LMX1B: variants seen among roughly 807,000 people sequenced by gnomAD.
LMX1B encodes the protein LIM homeobox transcription factor 1 beta.
A neutral mutation model predicts 51.4 loss-of-function variants in LMX1B; 12 were observed. The observed-to-expected ratio is 0.23, with a 90% CI of 0.15 to 0.38. The LOEUF is 0.38. Ranked by LOEUF, LMX1B falls within the 10% of genes least tolerant of loss-of-function variation. The pLI, the probability that LMX1B is intolerant of heterozygous loss-of-function variation, is 1.00. For synonymous variants in LMX1B, 237 were observed against 235.4 expected (o/e 1.01, Z -0.06); for missense variants, 445 against 571.1 (o/e 0.78, Z 2.25).
At chr9:126,630,294 G>T (rs1835610220) in intron 2 of LMX1B, among the ~76,000 whole-genome samples, 1 of 152,062 alleles carries the variant, frequency 6.6e-6, no homozygotes, top group Non-Finnish European at 1.5e-5. Context: ...GTCAGCATCT[G>T]CGGGTGCCAC....
chr9:126,682,235 G>T (rs939240104), intron 2 of LMX1B, among the ~76,000 whole-genome samples: 2 of 151,442 alleles, frequency 1.3e-5, no homozygotes, highest in Non-Finnish European at 2.9e-5. Flanking sequence ...GCCTCCCCAG[G>T]GCCTTTGCAC....
intron 2 of LMX1B, among the ~76,000 whole-genome samples, chr9:126,636,458 G>C (rs1435904907): frequency 6.6e-6 from 1 of 152,158 alleles, no homozygotes. Flanking sequence ...GTCTGTGCTA[G>C]AGAGTCTGGC....
intron 2 of LMX1B, among the ~76,000 whole-genome samples, chr9:126,652,649 C>T (rs925416215): frequency 6.6e-6 from 1 of 152,170 alleles, no homozygotes; most frequent in Non-Finnish European, 1.5e-5. Context: ...CATCTGCCCT[C>T]GGCACAGGAG....
intron 2 of LMX1B, among the ~76,000 whole-genome samples, chr9:126,672,517 A>T (rs1836476496): frequency 6.6e-6 from 1 of 152,044 alleles, no homozygotes; most frequent in South Asian, 2.1e-4. Flanking sequence ...CCGAGTCTGG[A>T]ATGCTTTACG....
At chr9:126,623,757 C>G (rs553595815) in intron 2 of LMX1B, among the ~76,000 whole-genome samples, 2 of 148,798 alleles carry the variant, frequency 1.3e-5, no homozygotes, top group South Asian at 4.2e-4. Context: ...CACTGACCTC[C>G]TCTGCGCGGA....
intron 2 of LMX1B, among the ~76,000 whole-genome samples, chr9:126,637,094 A>G (rs967337622): frequency 1.3e-5 from 2 of 152,238 alleles, no homozygotes; most frequent in Non-Finnish European, 2.9e-5. Flanking sequence ...TGCCAGTGCT[A>G]TCAGTCAGGG....
chr9:126,676,080 G>T (rs1470078553), intron 2 of LMX1B, among the ~76,000 whole-genome samples: 7 of 151,808 alleles, frequency 4.6e-5, no homozygotes, highest in African/African-American at 1.7e-4. Flanking sequence ...TCAGTAGACA[G>T]TGTGTAAGAC....
At position 126,672,997 on chromosome 9, in the gene LMX1B, C is replaced by T. The variant is rs79194139; in HGVS notation, c.327-17839C>T. On this transcript the variant is annotated intron_variant, in intron 2 of 7. Coordinates refer to ENST00000373474, the MANE Select transcript of LMX1B (RefSeq NM_001174147.2). ...CCCACCTGTGGACTCCTCGCCCACA[C>T]AAAGCAAGAGGCTCTTTTCGGCTTT... 5.9e-3 allele frequency among the ~76,000 whole-genome samples: 904 copies of T among 152,378 alleles called. 13 individuals carry two copies. Among genetic ancestry groups the T allele is most frequent in the African/African-American group, 0.02 (820 of 41,582 alleles).
intron 2 of LMX1B, among the ~76,000 whole-genome samples, chr9:126,645,686 G>A (rs892510852): frequency 6.6e-5 from 10 of 152,206 alleles, no homozygotes. Context: ...GAGCACACAA[G>A]GAGGGAGGTC....
At chr9:126,679,775 T>C (rs1836639122) in intron 2 of LMX1B, among the ~76,000 whole-genome samples, 1 of 152,204 alleles carries the variant, frequency 6.6e-6, no homozygotes, top group Admixed American at 6.5e-5. Context: ...TTGTGGTTTT[T>C]CAACTTCTCC....
At chr9:126,621,705 A>G (rs1304851688) in intron 2 of LMX1B, among the ~76,000 whole-genome samples, 3 of 130,574 alleles carry the variant, frequency 2.3e-5, no homozygotes, top group African/African-American at 9.6e-5. Context: ...ATTTGTTGAT[A>G]ATAGACTTTA....
chr9:126,636,458 G>A (rs1435904907), intron 2 of LMX1B, among the ~76,000 whole-genome samples: 1 of 152,158 alleles, frequency 6.6e-6, no homozygotes, highest in African/African-American at 2.4e-5. Flanking sequence ...GTCTGTGCTA[G>A]AGAGTCTGGC....
At chr9:126,661,354 A>G (rs1422283623) in intron 2 of LMX1B, among the ~76,000 whole-genome samples, 1 of 151,844 alleles carries the variant, frequency 6.6e-6, no homozygotes, top group Non-Finnish European at 1.5e-5. Context: ...CTCTCCAGGA[A>G]CTCTGTCTGT....
chr9:126,631,519 G>T (rs936138918), intron 2 of LMX1B, among the ~76,000 whole-genome samples: 1 of 151,982 alleles, frequency 6.6e-6, no homozygotes, highest in Non-Finnish European at 1.5e-5. Flanking sequence ...GGCCGGCCGG[G>T]ATGGGGCAGG....
intron 2 of LMX1B, among the ~76,000 whole-genome samples, chr9:126,628,624 C>T (rs1835576415): frequency 1.3e-5 from 2 of 152,174 alleles, no homozygotes; most frequent in South Asian, 4.1e-4. Flanking sequence ...AAATTAATTA[C>T]CCCGCCTTGA....
intron 2 of LMX1B, among the ~76,000 whole-genome samples, chr9:126,672,855 C>T (rs1588294373): frequency 6.6e-6 from 1 of 152,302 alleles, no homozygotes; most frequent in East Asian, 1.9e-4. Flanking sequence ...CACTGGTAAG[C>T]GGAAGCGTTG....
chr9:126,653,082 TC>T (rs902150406), intron 2 of LMX1B, among the ~76,000 whole-genome samples: 5 of 142,220 alleles, frequency 3.5e-5, no homozygotes, highest in African/African-American at 1.3e-4. Flanking sequence ...TTAAAACACA[TC>T]CCCCCATCCC....
chr9:126,640,184 C>T (rs10760445), intron 2 of LMX1B, among the ~76,000 whole-genome samples: 115,104 of 152,166 alleles, frequency 0.76, 43,823 homozygotes, highest in East Asian at 0.99. Flanking sequence ...GTCCCAGATG[C>T]CTGCTGCTTC....
At chr9:126,644,119 A>G (rs1328299438) in intron 2 of LMX1B, among the ~76,000 whole-genome samples, 6 of 152,128 alleles carry the variant, frequency 3.9e-5, no homozygotes, top group Non-Finnish European at 1.5e-5. Flanking sequence ...TCACCCTGCC[A>G]GGTAACGGGG....
Sources: gnomAD v4.1 joint callset for allele counts (sites outside exome capture counted in the v4.1 genomes callset) on GRCh38, gnomAD v4.1.1 for gene constraint, MANE v1.5 for transcripts, NCBI Gene and HGNC (gene_info 2026-07-23, HGNC 2026-07-21) for gene names.